TRPS1: variants seen among roughly 807,000 people sequenced by gnomAD.
TRPS1 encodes the protein transcriptional repressor GATA binding 1, also known as zinc finger transcription factor Trps1.
Under a neutral mutation model 101.2 loss-of-function variants are expected in TRPS1, and 6 were observed. That is an observed-to-expected ratio of 0.06 (90% CI 0.03 to 0.12). The LOEUF is 0.12. TRPS1 is among the 10% of genes least tolerant of loss of function. TRPS1 has a pLI of 1.00. For synonymous variants in TRPS1, 578 were observed against 589.8 expected, an observed-to-expected ratio of 0.98 and a Z score of 0.29; for missense variants, 1,363 against 1,567.0, an observed-to-expected ratio of 0.87 and a Z score of 2.20.
At chr8:115,618,370 AAC>A (rs1241346166) in intron 3 of TRPS1, among the ~76,000 whole-genome samples, 6 of 152,172 alleles carry the variant, frequency 3.9e-5, no homozygotes, top group Admixed American at 1.3e-4. Flanking sequence ...TCAAAATGGT[AAC>A]AGTTTCTTTT....
chr8:115,543,572 A>C (rs1816503128), intron 5 of TRPS1, among the ~76,000 whole-genome samples: 1 of 151,752 alleles, frequency 6.6e-6, no homozygotes, highest in African/African-American at 2.4e-5. Flanking sequence ...AAAGTTTTAA[A>C]AATTGAGGCT....
intron 5 of TRPS1, among the ~76,000 whole-genome samples, chr8:115,460,905 C>T (rs1322896917): frequency 6.6e-6 from 1 of 152,124 alleles, no homozygotes; most frequent in Non-Finnish European, 1.5e-5. Flanking sequence ...ATTTATCTCA[C>T]AGTTCAAGCT....
intron 5 of TRPS1, among the ~76,000 whole-genome samples, chr8:115,419,243 T>G (rs2129773139): frequency 6.6e-6 from 1 of 152,282 alleles, no homozygotes; most frequent in South Asian, 2.1e-4. Flanking sequence ...TATTTAAAAC[T>G]AGATAATTAG....
rs73367468 is a variant in TRPS1, at chr8:115,451,991, G to T, written c.2701-33539C>A. On this transcript the variant is annotated intron_variant, in intron 5 of 6. Transcript: ENST00000395715. ...CAACCCCCACTTCTAAAACTTAAGC[G>T]CTAAAGGCCAATATTAAAGTTTTGA... Among the ~76,000 whole-genome samples, 1,202 of 152,126 alleles carry T rather than the reference G, an allele frequency of 7.9e-3. 14 individuals carry two copies. Among genetic ancestry groups the T allele is most frequent in the African/African-American group, 0.028 (1,141 of 41,480 alleles).
chr8:115,630,360 C>T (rs1180958390), intron 1 of TRPS1, among the ~76,000 whole-genome samples: 2 of 151,892 alleles, frequency 1.3e-5, no homozygotes, highest in Non-Finnish European at 2.9e-5. Context: ...TCTATCTAAA[C>T]ATACACAGAG....
At chr8:115,443,309 T>A (rs915311276) in intron 5 of TRPS1, among the ~76,000 whole-genome samples, 1 of 152,068 alleles carries the variant, frequency 6.6e-6, no homozygotes, top group Non-Finnish European at 1.5e-5. Context: ...TAAAAATCTA[T>A]ACTTTCTAGG....
At chr8:115,648,782 A>G (rs1811490209) in intron 1 of TRPS1, among the ~76,000 whole-genome samples, 1 of 152,182 alleles carries the variant, frequency 6.6e-6, no homozygotes, top group Admixed American at 6.5e-5. Flanking sequence ...AAAATCTAAC[A>G]GACACGCTGG....
At chr8:115,570,694 C>CAT (rs1817182854) in intron 5 of TRPS1, among the ~76,000 whole-genome samples, 1 of 86,608 alleles carries the variant, frequency 1.2e-5, no homozygotes, top group African/African-American at 5.1e-5. Flanking sequence ...CACACTCACA[C>CAT]ACACACACAC....
At chr8:115,510,617 T>C (rs1815560272) in intron 5 of TRPS1, among the ~76,000 whole-genome samples, 1 of 151,992 alleles carries the variant, frequency 6.6e-6, no homozygotes. Flanking sequence ...TTGAAAATCT[T>C]TGGCATTGAG....
intron 1 of TRPS1, among the ~76,000 whole-genome samples, chr8:115,657,668 A>T (rs1811705393): frequency 6.6e-6 from 1 of 152,116 alleles, no homozygotes. Context: ...ATAAACTTGG[A>T]ATAGAGAGTT....
rs117590890 is a variant in TRPS1, at chr8:115,473,281, T to C, written c.2701-54829A>G. Among the ~76,000 whole-genome samples, 848 of 152,338 alleles carry C rather than the reference T, an allele frequency of 5.6e-3. 27 individuals carry two copies. In the East Asian group the frequency reaches 0.093, roughly 17 times the overall value. On this transcript the variant is annotated intron_variant, in intron 5 of 6. Coordinates refer to ENST00000395715, the MANE Select transcript of TRPS1 (RefSeq NM_014112.5). ...GTGGAAGGGGAAGAAAACATGTTCT[T>C]CTTCCCATGATGGCGGGAAGGAGAA...
At chr8:115,665,261 T>G (rs887233647) in intron 1 of TRPS1, among the ~76,000 whole-genome samples, 3 of 152,194 alleles carry the variant, frequency 2.0e-5, no homozygotes, top group African/African-American at 4.8e-5. Flanking sequence ...ACAAAGAAGG[T>G]AAGACAAGCG....
chr8:115,547,571 G>A (rs747649352), intron 5 of TRPS1, among the ~76,000 whole-genome samples: 6 of 152,102 alleles, frequency 3.9e-5, no homozygotes, highest in East Asian at 1.9e-4. Flanking sequence ...GGCAGTCACC[G>A]TAATTAGCTT....
At chr8:115,423,335 A>T (rs1459069824) in intron 5 of TRPS1, among the ~76,000 whole-genome samples, 1 of 152,208 alleles carries the variant, frequency 6.6e-6, no homozygotes, top group Non-Finnish European at 1.5e-5. Context: ...ACAAACAGTT[A>T]ACTGCAAGGA....
At chr8:115,421,992 A>T (rs1008221166) in intron 5 of TRPS1, among the ~76,000 whole-genome samples, 3 of 152,236 alleles carry the variant, frequency 2.0e-5, no homozygotes, top group African/African-American at 7.2e-5. Context: ...AAAGAAAAGC[A>T]CTAACGATCT....
At chr8:115,487,708 C>A (rs1402483980) in intron 5 of TRPS1, among the ~76,000 whole-genome samples, 1 of 152,132 alleles carries the variant, frequency 6.6e-6, no homozygotes, top group Non-Finnish European at 1.5e-5. Context: ...ACTAGAATTA[C>A]AAGTTGAGCC....
intron 2 of TRPS1, among the ~76,000 whole-genome samples, chr8:115,622,064 A>C (rs1366466970): frequency 1.3e-5 from 2 of 152,218 alleles, no homozygotes; most frequent in Non-Finnish European, 1.5e-5. Context: ...TGAAGTTTCA[A>C]GTGAAAGTGT....
intron 5 of TRPS1, among the ~76,000 whole-genome samples, chr8:115,488,774 A>G (rs543730067): frequency 6.6e-6 from 1 of 152,324 alleles, no homozygotes; most frequent in Admixed American, 6.5e-5. Flanking sequence ...TCAAGATAAT[A>G]TTGGAGAATT....
chr8:115,554,423 T>G (rs1178166677), intron 5 of TRPS1, among the ~76,000 whole-genome samples: 1 of 152,158 alleles, frequency 6.6e-6, no homozygotes, highest in Non-Finnish European at 1.5e-5. Context: ...TATCACCAAA[T>G]GAAATGACCC....
Sources: allele counts gnomAD v4.1 joint callset (sites outside exome capture counted in the v4.1 genomes callset), GRCh38; gene constraint gnomAD v4.1.1; transcripts MANE v1.5; gene names NCBI Gene and HGNC (gene_info 2026-07-23, HGNC 2026-07-21).